Variants in ZEB1 observed in about 807,000 individuals in gnomAD.
ZEB1 encodes the protein zinc finger E-box-binding homeobox 1.
In ZEB1, 21 loss-of-function variants were observed where a neutral mutation model predicts 84.9. The ratio of observed to expected loss-of-function variants is 0.25; its 90% CI spans 0.18 to 0.36. The LOEUF is 0.36. ZEB1 is among the 10% of genes least tolerant of loss of function. The pLI, the probability that ZEB1 is intolerant of heterozygous loss-of-function variation, is 1.00. For missense variants in ZEB1, 1,104 were observed against 1,330.2 expected (o/e 0.83, Z 2.65); for synonymous variants, 420 against 471.1 (o/e 0.89, Z 1.41).
intron 6 of ZEB1, among the ~76,000 whole-genome samples, chr10:31,516,922 G>C (rs2071265966): frequency 6.6e-6 from 1 of 152,046 alleles, no homozygotes. Context: ...ACTGGTACCA[G>C]TCTGCAAACC....
At chr10:31,332,865 A>T (rs973162611) in intron 1 of ZEB1, among the ~76,000 whole-genome samples, 1 of 152,306 alleles carries the variant, frequency 6.6e-6, no homozygotes, top group Middle Eastern at 3.4e-3. Context: ...TTTGTGTTCT[A>T]TGTTATTATA....
chr10:31,524,004 G>A lies in ZEB1; in HGVS notation c.2676G>A (p.Pro892=), dbSNP rs751487849. The A allele has an allele frequency of 2.3e-5, 37 of 1,613,634 alleles. No individual in the cohort carries two copies. Among genetic ancestry groups the A allele is most frequent in the South Asian group, 1.1e-4 (10 of 91,074 alleles). ...VEDQNDSDST[P]PKKKMRKTEN... is the part of the protein sequence containing the mutation. ...ATCAGAATGACTCTGATTCTACACC[G>A]CCCAAAAAGAAAATGCGGAAGACAG... The change falls in exon 8 of 9, where the codon CCG becomes CCA. Residue 892 remains proline (P), a synonymous_variant. Coordinates refer to ENST00000424869, the MANE Select transcript of ZEB1 (RefSeq NM_001174096.2).
intron 2 of ZEB1, among the ~76,000 whole-genome samples, chr10:31,485,717 AT>A (rs994694579): frequency 6.6e-5 from 10 of 151,500 alleles, no homozygotes; most frequent in East Asian, 5.8e-4. Flanking sequence ...CTCAGGAAAT[AT>A]TTTTTTAATT....
chr10:31,332,454 T>C lies in ZEB1; in HGVS notation c.58+13162T>C, dbSNP rs1255563369. Among the ~76,000 whole-genome samples, 4 of 152,378 alleles carry C rather than the reference T, an allele frequency of 2.6e-5. No individual in the cohort carries two copies. The South Asian group carries it at 6.2e-4, about 24-fold the overall frequency. ...AATACTCTTCATTCACTATTACTAG[T>C]TAATTTTCTAGATTATTTCTGGCAT... On this transcript the variant is annotated intron_variant, in intron 1 of 8. Transcript: ENST00000424869.
intron 1 of ZEB1, among the ~76,000 whole-genome samples, chr10:31,454,598 A>G (rs1337480156): frequency 6.6e-6 from 1 of 152,206 alleles, no homozygotes; most frequent in Non-Finnish European, 1.5e-5. Flanking sequence ...AATGTGCAAA[A>G]ATCACAAGCA....
chr10:31,514,513 C>A, intron 5 of ZEB1, 90 bp from the exon 6 acceptor site: 1 of 1,152,434 alleles, frequency 8.7e-7, no homozygotes, highest in South Asian at 1.3e-5. Flanking sequence ...AACCATCAGG[C>A]TCACAAAAAT....
intron 1 of ZEB1, among the ~76,000 whole-genome samples, chr10:31,443,992 T>A (rs368997705): frequency 4.6e-4 from 69 of 149,886 alleles, no homozygotes; most frequent in Middle Eastern, 6.8e-3. Context: ...CGCCACACTG[T>A]CTTCCACAAT....
At chr10:31,361,540 C>T (rs1431717768) in intron 1 of ZEB1, among the ~76,000 whole-genome samples, 1 of 152,254 alleles carries the variant, frequency 6.6e-6, no homozygotes, top group Non-Finnish European at 1.5e-5. Flanking sequence ...GGCAGAGACC[C>T]TCCTCACTTC....
chr10:31,372,818 G>A (rs1472032726), intron 1 of ZEB1, among the ~76,000 whole-genome samples: 1 of 151,814 alleles, frequency 6.6e-6, no homozygotes, highest in Non-Finnish European at 1.5e-5. Flanking sequence ...TTTGGTGAGG[G>A]ATTGAAATTT....
intron 1 of ZEB1, among the ~76,000 whole-genome samples, chr10:31,444,707 A>G (rs1243802937): frequency 6.6e-6 from 1 of 152,098 alleles, no homozygotes; most frequent in African/African-American, 2.4e-5. Flanking sequence ...CAGGTTTGTC[A>G]AAGATCAGAT....
intron 1 of ZEB1, among the ~76,000 whole-genome samples, chr10:31,367,520 A>G (rs1448613652): frequency 6.6e-6 from 1 of 152,208 alleles, no homozygotes; most frequent in Admixed American, 6.5e-5. Context: ...CCTAATGTTC[A>G]CAGCAAGCCT....
At chr10:31,470,355 G>A in intron 2 of ZEB1, among the ~76,000 whole-genome samples, 3 of 140,280 alleles carry the variant, frequency 2.1e-5, no homozygotes, top group African/African-American at 2.7e-5. Flanking sequence ...AACCAATACA[G>A]AGAAGTGCTT....
At chr10:31,437,335 A>G (rs1288773532) in intron 1 of ZEB1, among the ~76,000 whole-genome samples, 1 of 152,158 alleles carries the variant, frequency 6.6e-6, no homozygotes, top group African/African-American at 2.4e-5. Context: ...TCATTCTCCT[A>G]TCTTCTGAAG....
chr10:31,398,008 G>T (rs1385174410), intron 1 of ZEB1, among the ~76,000 whole-genome samples: 1 of 152,110 alleles, frequency 6.6e-6, no homozygotes, highest in South Asian at 2.1e-4. Context: ...TAATAGTTTC[G>T]CTTTCTAAAG....
intron 1 of ZEB1, chr10:31,362,882 T>C: frequency 1.5e-6 from 2 of 1,342,590 alleles, no homozygotes; most frequent in South Asian, 2.5e-5. Context: ...AATTTTGATA[T>C]TCTACTTAAC....
chr10:31,398,933 A>C (rs1206704595), intron 1 of ZEB1, among the ~76,000 whole-genome samples: 1 of 151,604 alleles, frequency 6.6e-6, no homozygotes, highest in Non-Finnish European at 1.5e-5. Flanking sequence ...TAGTGACTTC[A>C]TATAGTACCA....
At chr10:31,386,109 CTA>C (rs2048601501) in intron 1 of ZEB1, among the ~76,000 whole-genome samples, 1 of 151,898 alleles carries the variant, frequency 6.6e-6, no homozygotes, top group Admixed American at 6.6e-5. Context: ...GATCTACTCT[CTA>C]TGGATGAAAA....
intron 1 of ZEB1, among the ~76,000 whole-genome samples, chr10:31,377,373 A>C (rs1391079823): frequency 6.6e-6 from 1 of 151,732 alleles, no homozygotes; most frequent in Non-Finnish European, 1.5e-5. Flanking sequence ...CTGCTCTGCC[A>C]CTAATAAACA....
chr10:31,450,062 T>C (rs913948093), intron 1 of ZEB1, among the ~76,000 whole-genome samples: 24 of 152,314 alleles, frequency 1.6e-4, no homozygotes, highest in African/African-American at 5.5e-4. Context: ...ATATAAACTG[T>C]AGACGTGTTG....
Sources: gnomAD v4.1 joint callset for allele counts (sites outside exome capture counted in the v4.1 genomes callset) on GRCh38, gnomAD v4.1.1 for gene constraint, MANE v1.5 for transcripts, NCBI Gene and HGNC (gene_info 2026-07-23, HGNC 2026-07-21) for gene names.